The following KCNN2 variants were observed in gnomAD, a reference collection of about 807,000 sequenced individuals.
KCNN2 encodes the protein small conductance calcium-activated potassium channel protein 2.
Under a neutral mutation model 55.5 loss-of-function variants are expected in KCNN2, and 24 were observed. The ratio of observed to expected loss-of-function variants is 0.43; its 90% confidence interval spans 0.31 to 0.61. KCNN2 has a LOEUF of 0.61. Ranked by LOEUF, KCNN2 falls within the 20% of genes least tolerant of loss-of-function variation. KCNN2 has a pLI of 0.08. For missense variants in KCNN2, 754 were observed against 853.6 expected (o/e 0.88, Z 1.45); for synonymous variants, 431 against 336.1 (o/e 1.28, Z -3.09).
rs776823707 is a variant in KCNN2 at position 114,469,460 on chromosome 5, TAAATG to T, written c.1780-3587_1780-3583del. 1.1e-4 allele frequency among the ~76,000 whole-genome samples: 16 copies of T among 152,300 alleles called. No homozygotes were observed. In the East Asian group the frequency reaches 2.7e-3, roughly 26 times the overall value. Reference sequence around the variant, plus strand: ...TTTGCTTAAGTTTTTTCTAAGAAGATAAATGAAATGAGAGAAAAGTAACCAGGATA... The same window carrying T: ...TTTGCTTAAGTTTTTTCTAAGAAGATAAATGAGAGAAAAGTAACCAGGATA... On this transcript the variant is annotated intron_variant, in intron 4 of 7. Coordinates refer to ENST00000673685, the MANE Select transcript of KCNN2 (RefSeq NM_021614.4).
At chr5:114,160,957 C>T (rs1752764410) in intron 1 of KCNN2, among the ~76,000 whole-genome samples, 1 of 152,102 alleles carries the variant, frequency 6.6e-6, no homozygotes, top group Non-Finnish European at 1.5e-5. Flanking sequence ...ACTCTTTATC[C>T]AATTTGCCAG....
chr5:114,102,736 C>T (rs1751397634), intron 1 of KCNN2, among the ~76,000 whole-genome samples: 1 of 152,142 alleles, frequency 6.6e-6, no homozygotes, highest in South Asian at 2.1e-4. Flanking sequence ...TGTCAAAGAT[C>T]AGATGGTTGT....
chr5:114,266,107 A>C (rs1280839146), intron 2 of KCNN2, among the ~76,000 whole-genome samples: 2 of 152,188 alleles, frequency 1.3e-5, no homozygotes, highest in Non-Finnish European at 2.9e-5. Flanking sequence ...TTAACCTAGT[A>C]TGCCAAAATA....
At chr5:114,211,217 C>T (rs1753876865) in intron 1 of KCNN2, among the ~76,000 whole-genome samples, 1 of 152,020 alleles carries the variant, frequency 6.6e-6, no homozygotes. Flanking sequence ...TGAGTATGTA[C>T]CCAAAGGAAT....
chr5:114,133,294 T>A lies in KCNN2; in HGVS notation c.-271+76794T>A, dbSNP rs1752107248. On this transcript the variant is annotated intron_variant, in intron 1 of 10. Coordinates refer to the KCNN2 transcript ENST00000512097. ...ATAGGCTGATACAGTCCAAGGAATT[T>A]AATTTTTATGATTCTTTTCATACCA... is the stretch of plus-strand genomic sequence containing the variant. Among the ~76,000 whole-genome samples, 5 of 152,222 alleles carry A rather than the reference T, an allele frequency of 3.3e-5. No homozygotes were observed. In the South Asian group the frequency reaches 8.3e-4, roughly 25 times the overall value.
At chr5:114,059,925 A>G (rs192960122) in intron 1 of KCNN2, among the ~76,000 whole-genome samples, 1 of 152,242 alleles carries the variant, frequency 6.6e-6, no homozygotes, top group Non-Finnish European at 1.5e-5. Context: ...TGAAAGGATC[A>G]GGCTGTTGGT....
chr5:114,065,279 A>G (rs2112516567), intron 1 of KCNN2, among the ~76,000 whole-genome samples: 1 of 152,192 alleles, frequency 6.6e-6, no homozygotes, highest in African/African-American at 2.4e-5. Flanking sequence ...GTTTTACCCC[A>G]TGGGAAGCTA....
At chr5:114,341,095 G>A (rs1757007667) in intron 2 of KCNN2, among the ~76,000 whole-genome samples, 1 of 152,176 alleles carries the variant, frequency 6.6e-6, no homozygotes. Flanking sequence ...TCCATTGGCA[G>A]ACACTTAGGT....
chr5:114,378,919 A>G (rs1404749217), intron 2 of KCNN2, among the ~76,000 whole-genome samples: 2 of 152,062 alleles, frequency 1.3e-5, no homozygotes, highest in South Asian at 2.1e-4. Context: ...AGCAGTAAAG[A>G]GTGTTTGTTA....
intron 3 of KCNN2, among the ~76,000 whole-genome samples, chr5:114,417,372 T>C (rs1180844302): frequency 6.6e-6 from 1 of 152,210 alleles, no homozygotes; most frequent in Non-Finnish European, 1.5e-5. Flanking sequence ...GTGTTTTTAT[T>C]GTTTTATTTT....
rs928968511 is a variant in KCNN2 at position 114,179,402 on chromosome 5, A to G, written c.-270-42078A>G. On this transcript the variant is annotated intron_variant, in intron 1 of 10. Coordinates refer to the KCNN2 transcript ENST00000512097. Reference sequence around the variant, plus strand: ...GAGCTTGCTTTCCCCAGAGTGATATAAGAGAAAGAAAGGAGAGAACAAGAG... The same window carrying G: ...GAGCTTGCTTTCCCCAGAGTGATATGAGAGAAAGAAAGGAGAGAACAAGAG... Among the ~76,000 whole-genome samples the G allele has an allele frequency of 2.1e-4, 32 of 152,296 alleles. No individual in the cohort carries two copies. The South Asian group carries it at 5.0e-3, about 24-fold the overall frequency.
At chr5:114,183,952 A>T (rs1276773148) in intron 1 of KCNN2, among the ~76,000 whole-genome samples, 1 of 152,158 alleles carries the variant, frequency 6.6e-6, no homozygotes, top group African/African-American at 2.4e-5. Flanking sequence ...ATTGAGTTTA[A>T]TAATTAAATC....
chr5:114,378,570 T>C (rs1476869574), intron 2 of KCNN2, among the ~76,000 whole-genome samples: 1 of 152,202 alleles, frequency 6.6e-6, no homozygotes. Flanking sequence ...TTTGTACCCC[T>C]GGGATTGATG....
chr5:114,385,513 A>ATG (rs1289503961), intron 2 of KCNN2, among the ~76,000 whole-genome samples: 27 of 102,488 alleles, frequency 2.6e-4, no homozygotes, highest in Admixed American at 1.2e-4. Context: ...GCATACACAC[A>ATG]TGCGCGCACA....
chr5:114,138,920 C>G (rs1752221328), intron 1 of KCNN2, among the ~76,000 whole-genome samples: 1 of 152,098 alleles, frequency 6.6e-6, no homozygotes, highest in African/African-American at 2.4e-5. Context: ...TATTTGATTT[C>G]TGGTCACACG....
At chr5:114,445,011 G>C (rs183014696) in intron 3 of KCNN2, among the ~76,000 whole-genome samples, 2 of 152,232 alleles carry the variant, frequency 1.3e-5, no homozygotes, top group South Asian at 4.2e-4. Flanking sequence ...AGTTTAGATG[G>C]GTTCATGATT....
chr5:114,071,461 C>A (rs1281216292), intron 1 of KCNN2, among the ~76,000 whole-genome samples: 1 of 152,178 alleles, frequency 6.6e-6, no homozygotes, highest in African/African-American at 2.4e-5. Flanking sequence ...ACCATAGATG[C>A]AGGAGATTCC....
chr5:114,235,974 C>A (rs770561936), intron 2 of KCNN2, among the ~76,000 whole-genome samples: 1 of 152,124 alleles, frequency 6.6e-6, no homozygotes, highest in South Asian at 2.1e-4. Context: ...GGCTATGCAG[C>A]GATCAGTGAG....
In KCNN2 at chr5:114,295,426, G is replaced by A. The variant is rs563367278; in HGVS notation, c.-184-65519G>A. On this transcript the variant is annotated intron_variant, in intron 2 of 10. Transcript: ENST00000512097. ...TGGCAGGCACCCCTCCCCCAGCCTC[G>A]CTGCCACCTTGCAGTTTGATCTCAG... 6.7e-4 allele frequency among the ~76,000 whole-genome samples: 102 copies of A among 152,182 alleles called. 2 individuals carry two copies. The highest frequency in any genetic ancestry group is 2.3e-3 in the African/African-American group (95 of 41,536).
Sources: allele counts gnomAD v4.1 joint callset (sites outside exome capture counted in the v4.1 genomes callset), GRCh38; gene constraint gnomAD v4.1.1; transcripts MANE v1.5; gene names NCBI Gene and HGNC (gene_info 2026-07-23, HGNC 2026-07-21).